RIMS1: variants seen among roughly 807,000 people sequenced by gnomAD.
The protein encoded by RIMS1 is regulating synaptic membrane exocytosis 1.
In RIMS1, 83 loss-of-function variants were observed where a neutral mutation model predicts 214.1. The ratio of observed to expected loss-of-function variants is 0.39; its 90% CI spans 0.32 to 0.47. The LOEUF (loss-of-function observed/expected upper bound fraction) is 0.47, where lower values mean the gene tolerates loss of function less well. Among genes scored for constraint, RIMS1 ranks in the 20% least tolerant of loss-of-function variants. RIMS1 has a pLI of 0.99. For missense variants in RIMS1, 2,050 were observed against 2,161.8 expected, an observed-to-expected ratio of 0.95 and a Z score of 1.03; for synonymous variants, 793 against 786.8, an observed-to-expected ratio of 1.01 and a Z score of -0.13.
intron 29 of RIMS1, among the ~76,000 whole-genome samples, chr6:72,341,735 G>A (rs1256004690): frequency 6.6e-6 from 1 of 151,728 alleles, no homozygotes; most frequent in African/African-American, 2.4e-5. Flanking sequence ...ATTTATGTAT[G>A]TTATCAAAGG....
intron 4 of RIMS1, among the ~76,000 whole-genome samples, chr6:72,122,661 A>G (rs1029347182): frequency 1.3e-5 from 2 of 151,674 alleles, no homozygotes; most frequent in East Asian, 1.9e-4. Context: ...AGAGCCTGTT[A>G]TTGGTGTATT....
At chr6:72,274,572 C>G (rs2085206152) in intron 23 of RIMS1, 140 bp downstream of exon 23, 4 of 653,256 alleles carry the variant, frequency 6.1e-6, no homozygotes, top group South Asian at 5.3e-5. Flanking sequence ...GTAGCCAACT[C>G]TGGTAAAGCA....
At chr6:72,090,390 C>T (rs983351324) in intron 2 of RIMS1, among the ~76,000 whole-genome samples, 10 of 152,008 alleles carry the variant, frequency 6.6e-5, no homozygotes, top group African/African-American at 2.4e-4. Flanking sequence ...CACAACCATC[C>T]CTCTTCCAAC....
Position 72,248,022 on chromosome 6 carries a change from T to G in RIMS1, c.2136T>G (p.Ser712Arg). 1 of 1,608,956 alleles carries G rather than the reference T, an allele frequency of 6.2e-7. No homozygotes were observed. Among genetic ancestry groups the G allele is most frequent in the Non-Finnish European group, 8.5e-7 (1 of 1,175,680 alleles). ...TTTTTTTTCTCATTTTAGGTTCAAG[T>G]TCCTTTGAATCTCAGAAGATGGAAA... ...SSHPPLESSSSSFESQKMERP... is the reference protein window; with the variant it reads ...SSHPPLESSSRSFESQKMERP... The change falls in exon 12 of 34, where the codon AGT becomes AGG. Residue 712 changes from serine (S) to arginine (R), a missense_variant. By Grantham distance (110) the Ser-to-Arg change is moderately radical (BLOSUM62 -1). Coordinates refer to ENST00000521978, the MANE Select transcript of RIMS1 (RefSeq NM_014989.7).
At position 72,182,759 on chromosome 6, in the gene RIMS1, G is replaced by T. The variant is rs754827096; in HGVS notation, c.1288G>T (p.Ala430Ser). ...GCCGGACTCGCCGCGGGCTTACTCG[G>T]CTGAGAGAACTGCGGAGACCAGGGC... ...SPPDSPRAYS[A>S]ERTAETRAPG... Residue 430 changes from alanine to serine, a missense_variant, in exon 6 of 34, where the codon GCT becomes TCT. Physicochemically the swap from Ala to Ser is moderately conservative, Grantham distance 99. Coordinates refer to ENST00000521978, the MANE Select transcript of RIMS1 (RefSeq NM_014989.7). 1.3e-6 allele frequency: 2 copies of T among 1,543,876 alleles called. No individual in the cohort carries two copies. Among genetic ancestry groups the T allele is most frequent in the South Asian group, 2.4e-5 (2 of 84,222 alleles).
In RIMS1 at chr6:72,166,136, C is replaced by A. The variant is rs556761953; in HGVS notation, c.472-13439C>A. ...CTCTTACTGGCTTGTAGTTGGCTAC[C>A]TTCTCACCCTGTCCTCAGAGGACCT... On this transcript the variant is annotated intron_variant, in intron 4 of 33. Transcript: ENST00000521978. Among the ~76,000 whole-genome samples the A allele has an allele frequency of 6.6e-5, 10 of 152,182 alleles. No individual in the cohort carries two copies. In the South Asian group the frequency reaches 1.7e-3, roughly 25 times the overall value.
At chr6:71,936,116 C>T (rs1300930321) in intron 1 of RIMS1, among the ~76,000 whole-genome samples, 1 of 151,290 alleles carries the variant, frequency 6.6e-6, no homozygotes, top group Non-Finnish European at 1.5e-5. Flanking sequence ...TTTGGGAAGC[C>T]GAGGCGGGCG....
chr6:72,248,767 C>T (rs934585397), intron 12 of RIMS1, among the ~76,000 whole-genome samples: 9 of 152,114 alleles, frequency 5.9e-5, no homozygotes, highest in African/African-American at 2.2e-4. Flanking sequence ...CCTTTTGCTC[C>T]TCTGATAATG....
At chr6:72,029,987 C>T (rs912330934) in intron 2 of RIMS1, among the ~76,000 whole-genome samples, 3 of 152,072 alleles carry the variant, frequency 2.0e-5, no homozygotes, top group Admixed American at 2.0e-4. Context: ...AATCTAGATA[C>T]GATTTGGCCT....
In RIMS1 at chr6:72,392,822, T is replaced by C; in HGVS notation, c.4618+12T>C. On this transcript the variant is annotated intron_variant, in intron 31 of 33. Transcript: ENST00000521978. Reference sequence around the variant, plus strand: ...CACCCCTGCAATGGGTAAGAATCATTTTTTTTTTCTACAAGAAAATTGATG... The same window carrying C: ...CACCCCTGCAATGGGTAAGAATCATCTTTTTTTTCTACAAGAAAATTGATG... The C allele has an allele frequency of 6.8e-7, 1 of 1,469,398 alleles. No individual in the cohort carries two copies. Among genetic ancestry groups the C allele is most frequent in the South Asian group, 1.2e-5 (1 of 82,490 alleles). 91.0% of individuals were successfully genotyped at this position (1,469,398 alleles called of 1,614,324 possible). A position where few individuals can be genotyped will look rare whatever the true frequency, so the allele number is the denominator to read the frequency against.
chr6:71,960,263 C>A (rs891794029), intron 1 of RIMS1, among the ~76,000 whole-genome samples: 1 of 152,156 alleles, frequency 6.6e-6, no homozygotes. Flanking sequence ...AGAGACTACA[C>A]ACAGCCTGGC....
chr6:72,127,554 A>G (rs1000775418), intron 4 of RIMS1, among the ~76,000 whole-genome samples: 7 of 152,120 alleles, frequency 4.6e-5, no homozygotes, highest in Non-Finnish European at 7.4e-5. Context: ...CATGCCTTAT[A>G]TAGACACTAT....
chr6:72,186,704 A>C (rs923297886), intron 6 of RIMS1, among the ~76,000 whole-genome samples: 3 of 152,130 alleles, frequency 2.0e-5, no homozygotes, highest in Non-Finnish European at 2.9e-5. Context: ...TTGCATAATA[A>C]ATTATATACA....
At chr6:71,990,396 C>T (rs1360497634) in intron 2 of RIMS1, among the ~76,000 whole-genome samples, 3 of 152,136 alleles carry the variant, frequency 2.0e-5, no homozygotes, top group African/African-American at 7.2e-5. Flanking sequence ...AAGATAAAGT[C>T]ACATTTTATA....
chr6:72,039,541 A>G (rs895609337), intron 2 of RIMS1, among the ~76,000 whole-genome samples: 3 of 152,040 alleles, frequency 2.0e-5, no homozygotes, highest in Non-Finnish European at 4.4e-5. Flanking sequence ...TAAAATATTG[A>G]AACACTTCCT....
chr6:72,320,999 G>C (rs2096124997), intron 28 of RIMS1, among the ~76,000 whole-genome samples: 1 of 151,822 alleles, frequency 6.6e-6, no homozygotes, highest in Non-Finnish European at 1.5e-5. Context: ...ATTTCAGCTA[G>C]ACTCTCTTAA....
intron 23 of RIMS1, among the ~76,000 whole-genome samples, chr6:72,277,882 TA>T (rs915852507): frequency 1.3e-5 from 2 of 152,172 alleles, no homozygotes; most frequent in African/African-American, 4.8e-5. Flanking sequence ...CCAAAATTTG[TA>T]AGTAGCCATT....
intron 1 of RIMS1, among the ~76,000 whole-genome samples, chr6:71,902,635 A>C (rs542608198): frequency 1.3e-5 from 2 of 152,036 alleles, no homozygotes; most frequent in African/African-American, 4.8e-5. Context: ...CACCTCCTAG[A>C]TATTAAGCTC....
intron 29 of RIMS1, among the ~76,000 whole-genome samples, chr6:72,361,085 G>T (rs1473349453): frequency 6.9e-6 from 1 of 145,264 alleles, no homozygotes; most frequent in South Asian, 2.2e-4. Context: ...TGTAGGAACG[G>T]GTCTTTCTTT....
Sources: gnomAD v4.1 joint callset for allele counts (sites outside exome capture counted in the v4.1 genomes callset) on GRCh38, gnomAD v4.1.1 for gene constraint, MANE v1.5 for transcripts, NCBI Gene and HGNC (gene_info 2026-07-23, HGNC 2026-07-21) for gene names.